The following EYS variants were observed in gnomAD, a reference collection of about 807,000 sequenced individuals.
EYS encodes the protein EGF-like photoreceptor maintenance factor, also known as protein eyes shut homolog.
In EYS, 250 loss-of-function variants were observed where a neutral mutation model predicts 282.1. That is an observed-to-expected ratio of 0.89 (90% confidence interval 0.80 to 0.98). The LOEUF is 0.98. Ranked by LOEUF, EYS falls within the 50% of genes least tolerant of loss-of-function variation. The pLI, the probability that EYS is intolerant of heterozygous loss-of-function variation, is 0.00. For missense variants in EYS, 4,016 were observed against 3,709.0 expected (o/e 1.08, Z -2.15); for synonymous variants, 1,355 against 1,282.9 (o/e 1.06, Z -1.20).
intron 32 of EYS, 66 bp downstream of exon 32, chr6:64,081,790 T>C: frequency 4.0e-6 from 5 of 1,239,986 alleles, no homozygotes; most frequent in Non-Finnish European, 5.5e-6. Flanking sequence ...AATAAATCAT[T>C]GATTCAATAG....
intron 12 of EYS, among the ~76,000 whole-genome samples, chr6:65,111,477 T>A (rs1323217741): frequency 1.3e-5 from 2 of 152,168 alleles, no homozygotes; most frequent in African/African-American, 4.8e-5. Context: ...TTTTCTTGGA[T>A]CACCAATTAT....
intron 2 of EYS, among the ~76,000 whole-genome samples, chr6:65,563,510 A>G (rs954009115): frequency 6.6e-6 from 1 of 152,146 alleles, no homozygotes; most frequent in Admixed American, 6.6e-5. Flanking sequence ...TTTATAAAGC[A>G]TAGTATCTCT....
At chr6:63,771,059 G>A (rs907749142) in intron 40 of EYS, among the ~76,000 whole-genome samples, 1 of 152,096 alleles carries the variant, frequency 6.6e-6, no homozygotes, top group Non-Finnish European at 1.5e-5. Flanking sequence ...TTATTTTGTA[G>A]TTCTTCAGGT....
intron 2 of EYS, among the ~76,000 whole-genome samples, chr6:65,615,238 G>A (rs2149797261): frequency 6.6e-6 from 1 of 152,102 alleles, no homozygotes; most frequent in East Asian, 1.9e-4. Context: ...TTGAGACAAA[G>A]TTTAGGGTAC....
intron 26 of EYS, among the ~76,000 whole-genome samples, chr6:64,471,921 TAAC>T (rs2150492845): frequency 6.6e-6 from 1 of 152,276 alleles, no homozygotes; most frequent in African/African-American, 2.4e-5. Flanking sequence ...TGACTGTAGT[TAAC>T]AACTTATTTT....
chr6:64,558,582 T>A (rs1229989957), intron 26 of EYS, among the ~76,000 whole-genome samples: 1 of 152,090 alleles, frequency 6.6e-6, no homozygotes, highest in Non-Finnish European at 1.5e-5. Flanking sequence ...GATTTCAAGA[T>A]AAAAAAGATT....
At chr6:65,371,708 C>CCTCTCTCTCT (rs140879689) in intron 8 of EYS, among the ~76,000 whole-genome samples, 9 of 119,116 alleles carry the variant, frequency 7.6e-5, no homozygotes, top group African/African-American at 2.5e-4. Flanking sequence ...TCTCTCTCTC[C>CCTCTCTCTCT]CTCTCTCTCT....
At chr6:64,107,271 G>GTATATATATATATTTATATA (rs1350007878) in intron 31 of EYS, among the ~76,000 whole-genome samples, 13 of 99,956 alleles carry the variant, frequency 1.3e-4, no homozygotes, top group African/African-American at 4.6e-4. Flanking sequence ...GTGTGTGTGT[G>GTATATATATATATTTATATA]TATATATATA....
At chr6:63,833,018 C>A (rs529014694) in intron 36 of EYS, among the ~76,000 whole-genome samples, 4 of 152,084 alleles carry the variant, frequency 2.6e-5, no homozygotes, top group African/African-American at 4.8e-5. Context: ...ATTCAGCAGG[C>A]CTTCATGCTA....
At chr6:64,135,206 G>C (rs990804066) in intron 31 of EYS, among the ~76,000 whole-genome samples, 2 of 145,662 alleles carry the variant, frequency 1.4e-5, no homozygotes, top group South Asian at 4.2e-4. Context: ...CTCAACAGTA[G>C]TGGTGCTTTT....
At chr6:65,186,184 A>G (rs1765513246) in intron 12 of EYS, among the ~76,000 whole-genome samples, 1 of 151,732 alleles carries the variant, frequency 6.6e-6, no homozygotes, top group South Asian at 2.1e-4. Context: ...TTTGTTCCTG[A>G]AATTATTTGA....
At chr6:65,666,418 T>A (rs1768203278) in intron 1 of EYS, among the ~76,000 whole-genome samples, 1 of 151,772 alleles carries the variant, frequency 6.6e-6, no homozygotes, top group African/African-American at 2.4e-5. Context: ...TCAAAATTTC[T>A]TGTCTCAGTT....
rs1246902736 is a variant in EYS, at chr6:64,207,771, C to G, written c.6424+22821G>C. Among the ~76,000 whole-genome samples the G allele has an allele frequency of 2.0e-5, 3 of 152,274 alleles. No homozygotes were observed. In the East Asian group the frequency reaches 5.8e-4, roughly 29 times the overall value. ...CTCCCAAGTTCAAGCAATTTTCCTA[C>G]CTCAGCCTCCCAAGTACCTGGGATT... On this transcript the variant is annotated intron_variant, in intron 31 of 42. Coordinates refer to ENST00000503581, the MANE Select transcript of EYS (RefSeq NM_001142800.2).
intron 2 of EYS, among the ~76,000 whole-genome samples, chr6:65,603,283 T>C (rs1765672405): frequency 6.6e-6 from 1 of 151,828 alleles, no homozygotes; most frequent in Admixed American, 6.6e-5. Context: ...GGATCACCAA[T>C]GAAAGAGAGG....
At chr6:65,203,635 A>G (rs1295924679) in intron 12 of EYS, among the ~76,000 whole-genome samples, 2 of 152,194 alleles carry the variant, frequency 1.3e-5, no homozygotes, top group Non-Finnish European at 2.9e-5. Context: ...ATATGAAAAG[A>G]AACCAGTCCA....
At chr6:63,808,792 A>G (rs951593332) in intron 36 of EYS, among the ~76,000 whole-genome samples, 2 of 152,178 alleles carry the variant, frequency 1.3e-5, no homozygotes, top group Admixed American at 6.5e-5. Flanking sequence ...GAGCATTTGA[A>G]TTGTGGTTAG....
intron 2 of EYS, among the ~76,000 whole-genome samples, chr6:65,500,539 A>C (rs921089217): frequency 6.6e-6 from 1 of 151,908 alleles, no homozygotes; most frequent in Non-Finnish European, 1.5e-5. Context: ...AAATTCAAAA[A>C]ATCTTTGAAA....
chr6:64,734,137 A>T (rs1436576112), intron 22 of EYS, among the ~76,000 whole-genome samples: 2 of 149,962 alleles, frequency 1.3e-5, no homozygotes, highest in Non-Finnish European at 3.0e-5. Context: ...AAAAAAAAAC[A>T]AGTAGAAACA....
intron 39 of EYS, among the ~76,000 whole-genome samples, chr6:63,783,263 G>T (rs1582203263): frequency 6.6e-6 from 1 of 152,152 alleles, no homozygotes; most frequent in Admixed American, 6.6e-5. Context: ...TTCATGTAAA[G>T]TCCAAAGGGT....
Sources: gnomAD v4.1 joint callset for allele counts (sites outside exome capture counted in the v4.1 genomes callset) on GRCh38, gnomAD v4.1.1 for gene constraint, MANE v1.5 for transcripts, NCBI Gene and HGNC (gene_info 2026-07-23, HGNC 2026-07-21) for gene names.